RORA: variants seen among roughly 807,000 people sequenced by gnomAD.
RORA encodes the protein RAR related orphan receptor A.
Under a neutral mutation model 69.5 loss-of-function variants are expected in RORA, and 7 were observed. That is an observed-to-expected ratio of 0.10 (90% CI 0.06 to 0.19). The LOEUF is 0.19. RORA is among the 10% of genes least tolerant of loss of function. The pLI is 1.00. For synonymous variants in RORA, 261 were observed against 240.8 expected (o/e 1.08, Z -0.78); for missense variants, 457 against 663.0 (o/e 0.69, Z 3.41).
At chr15:61,152,623 C>T (rs997763899) in intron 1 of RORA, among the ~76,000 whole-genome samples, 6 of 151,920 alleles carry the variant, frequency 3.9e-5, no homozygotes, top group East Asian at 1.9e-4. Flanking sequence ...TTCTAGGTGC[C>T]GGGGCATTTA....
At chr15:60,974,798 G>A (rs763895538) in intron 1 of RORA, among the ~76,000 whole-genome samples, 20 of 152,316 alleles carry the variant, frequency 1.3e-4, no homozygotes, top group Admixed American at 3.3e-4. Context: ...GGGGACCACC[G>A]TATCAGGTAA....
chr15:61,042,012 C>A (rs765005304), intron 1 of RORA, among the ~76,000 whole-genome samples: 2 of 152,188 alleles, frequency 1.3e-5, no homozygotes, highest in African/African-American at 4.8e-5. Flanking sequence ...GGGCTGGAAC[C>A]TGCGTGATCA....
At chr15:60,529,052 G>C (rs2066451312) in intron 3 of RORA, 1 of 152,182 alleles carries the variant, frequency 6.6e-6, no homozygotes, top group African/African-American at 2.4e-5. Context: ...CATGTGCAAT[G>C]CTTAGCAACT....
At chr15:61,073,849 T>A (rs956636179) in intron 1 of RORA, among the ~76,000 whole-genome samples, 5 of 152,374 alleles carry the variant, frequency 3.3e-5, no homozygotes, top group African/African-American at 1.2e-4. Context: ...GCACCCTAAA[T>A]GCCAAGCATC....
At chr15:60,680,405 A>G (rs1310966907) in intron 1 of RORA, among the ~76,000 whole-genome samples, 2 of 152,128 alleles carry the variant, frequency 1.3e-5, no homozygotes, top group African/African-American at 2.4e-5. Flanking sequence ...TGACTTTTCT[A>G]CTTAAATTTA....
intron 1 of RORA, among the ~76,000 whole-genome samples, chr15:61,115,585 T>A (rs998110816): frequency 2.6e-5 from 4 of 152,096 alleles, no homozygotes; most frequent in African/African-American, 9.7e-5. Context: ...TTTTCCCTCA[T>A]AAGGTACCAG....
At chr15:60,902,272 A>C (rs1396826067) in intron 1 of RORA, among the ~76,000 whole-genome samples, 1 of 139,046 alleles carries the variant, frequency 7.2e-6, no homozygotes, top group Non-Finnish European at 1.6e-5. Flanking sequence ...GAACTATTTC[A>C]ATTTTATGAT....
rs1365367440 is a variant in RORA at position 61,022,886 on chromosome 15, A to G, written c.166+206167T>C. On this transcript the variant is annotated intron_variant, in intron 1 of 10. Coordinates refer to ENST00000335670, the MANE Select transcript of RORA (RefSeq NM_134261.3). ...GCAGCAGTATCCCTAGTGGTAATCA[A>G]TGTTTAAGAACTGACAGGCCGGGCA... Among the ~76,000 whole-genome samples the G allele has an allele frequency of 2.0e-5, 3 of 152,028 alleles. No homozygotes were observed. The East Asian group carries it at 5.8e-4, about 29-fold the overall frequency.
intron 2 of RORA, among the ~76,000 whole-genome samples, chr15:60,615,911 C>T (rs1046011568): frequency 6.6e-6 from 1 of 152,124 alleles, no homozygotes; most frequent in East Asian, 1.9e-4. Context: ...ACCCATGTGC[C>T]CCAGCTCTTG....
At chr15:61,159,926 A>G (rs1596035800) in intron 1 of RORA, among the ~76,000 whole-genome samples, 1 of 152,210 alleles carries the variant, frequency 6.6e-6, no homozygotes, top group East Asian at 1.9e-4. Context: ...TCAGATGATA[A>G]AAGAAAATTC....
intron 2 of RORA, among the ~76,000 whole-genome samples, chr15:60,671,067 GATATATAT>G (rs10577286): frequency 0.23 from 27,737 of 122,126 alleles, 3,977 homozygotes; most frequent in Admixed American, 0.43. Context: ...ATATCCCATT[GATATATAT>G]ATATATATAT....
chr15:60,656,346 G>A (rs986525170), intron 2 of RORA, among the ~76,000 whole-genome samples: 16 of 152,142 alleles, frequency 1.1e-4, no homozygotes, highest in African/African-American at 3.6e-4. Flanking sequence ...AGCGAGTTTG[G>A]AGGCATACAA....
At chr15:60,584,834 C>A (rs975033830) in intron 2 of RORA, among the ~76,000 whole-genome samples, 1 of 152,140 alleles carries the variant, frequency 6.6e-6, no homozygotes, top group Admixed American at 6.5e-5. Flanking sequence ...CTGGGTGGCG[C>A]AGTTTGTAAA....
intron 1 of RORA, among the ~76,000 whole-genome samples, chr15:60,709,720 C>G (rs151237575): frequency 1.1e-3 from 174 of 151,714 alleles, no homozygotes; most frequent in African/African-American, 4.1e-3. Context: ...AAGCTTAGGG[C>G]TCCCACTGAG....
chr15:60,925,352 T>A (rs57736853), intron 1 of RORA, among the ~76,000 whole-genome samples: 21 of 151,942 alleles, frequency 1.4e-4, no homozygotes, highest in Admixed American at 1.4e-3. Flanking sequence ...ATATTTGAAA[T>A]GTCCCCATAT....
chr15:61,055,287 G>A (rs12324535), intron 1 of RORA, among the ~76,000 whole-genome samples: 70,396 of 152,020 alleles, frequency 0.46, 17,548 homozygotes, highest in Non-Finnish European at 0.54. Flanking sequence ...GGGTTTTAAC[G>A]TTTTTGAGGG....
chr15:60,898,500 A>AAAAT (rs59713870), intron 1 of RORA, among the ~76,000 whole-genome samples: 33,722 of 137,816 alleles, frequency 0.24, 4,278 homozygotes, highest in East Asian at 0.36. Flanking sequence ...ATTGTCTCTA[A>AAAAT]AAATAAATAA....
chr15:60,997,126 T>C, intron 1 of RORA, among the ~76,000 whole-genome samples: 1 of 152,036 alleles, frequency 6.6e-6, no homozygotes, highest in East Asian at 1.9e-4. Context: ...GAATTGGTTG[T>C]TCTCAGACGT....
At chr15:60,573,987 A>G (rs2067955737) in intron 2 of RORA, among the ~76,000 whole-genome samples, 1 of 152,132 alleles carries the variant, frequency 6.6e-6, no homozygotes, top group South Asian at 2.1e-4. Context: ...TTCTATGTGT[A>G]TTTTGTCTAC....
Sources: allele counts gnomAD v4.1 joint callset (sites outside exome capture counted in the v4.1 genomes callset), GRCh38; gene constraint gnomAD v4.1.1; transcripts MANE v1.5; gene names NCBI Gene and HGNC (gene_info 2026-07-23, HGNC 2026-07-21).